PTPRG: variants seen among roughly 807,000 people sequenced by gnomAD.
The protein encoded by PTPRG is protein tyrosine phosphatase receptor type G.
A neutral mutation model predicts 165.3 loss-of-function variants in PTPRG; 102 were observed. The ratio of observed to expected loss-of-function variants is 0.62; its 90% CI spans 0.53 to 0.73. The LOEUF (loss-of-function observed/expected upper bound fraction) is 0.73, where lower values mean the gene tolerates loss of function less well. Ranked by LOEUF, PTPRG falls within the 30% of genes least tolerant of loss-of-function variation. The pLI is 0.00. For missense variants in PTPRG, 1,866 were observed against 1,861.4 expected (o/e 1.00, Z -0.05); for synonymous variants, 675 against 669.5 (o/e 1.01, Z -0.13).
chr3:61,952,168 C>T (rs1267601947), intron 2 of PTPRG, among the ~76,000 whole-genome samples: 2 of 149,804 alleles, frequency 1.3e-5, no homozygotes, highest in Non-Finnish European at 3.0e-5. Flanking sequence ...CAGTCTTCCT[C>T]AGACCTCATA....
intron 28 of PTPRG, among the ~76,000 whole-genome samples, chr3:62,290,253 G>T (rs1702833011): frequency 6.6e-6 from 1 of 152,064 alleles, no homozygotes; most frequent in African/African-American, 2.4e-5. Context: ...TTCATGAAGA[G>T]AAAAACTCAA....
In PTPRG at chr3:62,297,464, T is replaced by A. The variant is rs1041941612; in HGVS notation, c.*4157T>A. 9 of 151,890 alleles carry A rather than the reference T, an allele frequency of 5.9e-5. No individual in the cohort carries two copies. The highest frequency in any genetic ancestry group is 1.3e-4 in the Admixed American group (2 of 15,248). 9.4% of individuals were successfully genotyped at this position (151,890 alleles called of 1,614,324 possible). A position where few individuals can be genotyped will look rare whatever the true frequency, so the allele number is the denominator to read the frequency against. On this transcript the variant is annotated 3_prime_UTR_variant, in exon 30 of 30. Coordinates refer to ENST00000474889, the MANE Select transcript of PTPRG (RefSeq NM_002841.4). ...GAAAAAGTGTGCTTTTTTTTTTTTT[T>A]TAAATTTGTTCAGGGGGAGGGGTTT...
intron 1 of PTPRG, among the ~76,000 whole-genome samples, chr3:61,576,918 G>T (rs1453832748): frequency 6.6e-6 from 1 of 152,128 alleles, no homozygotes; most frequent in Non-Finnish European, 1.5e-5. Context: ...AAAGCCCAGG[G>T]GTTTTGCATC....
intron 29 of PTPRG, 52 bp from the exon 30 acceptor site, chr3:62,293,109 T>G: frequency 2.8e-5 from 40 of 1,419,440 alleles, no homozygotes; most frequent in Non-Finnish European, 3.5e-5. Flanking sequence ...CCACCTTATG[T>G]GAAATCACTA....
chr3:62,024,695 CATT>C (rs2107768133), intron 4 of PTPRG, among the ~76,000 whole-genome samples: 1 of 152,282 alleles, frequency 6.6e-6, no homozygotes, highest in South Asian at 2.1e-4. Context: ...AGAAAGTAAA[CATT>C]ATTGGATGCA....
chr3:61,701,053 G>A (rs1008011237), intron 1 of PTPRG, among the ~76,000 whole-genome samples: 1 of 152,148 alleles, frequency 6.6e-6, no homozygotes, highest in African/African-American at 2.4e-5. Flanking sequence ...TGCAGTGGGA[G>A]CTTTAATAGT....
intron 2 of PTPRG, among the ~76,000 whole-genome samples, chr3:61,839,109 T>C (rs1180409087): frequency 6.6e-6 from 1 of 152,132 alleles, no homozygotes; most frequent in African/African-American, 2.4e-5. Context: ...AAGGCATATA[T>C]CCTTTAAGAT....
At chr3:61,617,132 AAC>A (rs1430520657) in intron 1 of PTPRG, among the ~76,000 whole-genome samples, 1 of 152,200 alleles carries the variant, frequency 6.6e-6, no homozygotes, top group Non-Finnish European at 1.5e-5. Flanking sequence ...TACCAACTGA[AAC>A]AAGTCACATG....
At chr3:61,848,728 A>G (rs937992258) in intron 2 of PTPRG, among the ~76,000 whole-genome samples, 1 of 152,152 alleles carries the variant, frequency 6.6e-6, no homozygotes, top group Admixed American at 6.5e-5. Context: ...CTTTATGCTC[A>G]ATCTAATGCT....
intron 5 of PTPRG, among the ~76,000 whole-genome samples, chr3:62,104,630 T>C (rs986433538): frequency 1.3e-5 from 2 of 152,204 alleles, no homozygotes; most frequent in Non-Finnish European, 2.9e-5. Flanking sequence ...AGTATTTGTG[T>C]TTACGCCAGT....
At chr3:61,647,591 C>T (rs1352296002) in intron 1 of PTPRG, among the ~76,000 whole-genome samples, 3 of 152,006 alleles carry the variant, frequency 2.0e-5, no homozygotes, top group East Asian at 3.9e-4. Context: ...GAGATCGAGA[C>T]CATCCTGGCT....
chr3:62,245,850 C>T lies in PTPRG; in HGVS notation c.2467+1952C>T, dbSNP rs192598039. Among the ~76,000 whole-genome samples the T allele has an allele frequency of 6.4e-4, 98 of 152,168 alleles. No individual in the cohort carries two copies. Among genetic ancestry groups the T allele is most frequent in the South Asian group, 4.2e-3 (20 of 4,816 alleles). On this transcript the variant is annotated intron_variant, in intron 15 of 29. Coordinates refer to ENST00000474889, the MANE Select transcript of PTPRG (RefSeq NM_002841.4). The surrounding 1 kb of genome is among the most constrained non-coding windows in gnomAD (Gnocchi z 4.2). Reference sequence around the variant, plus strand: ...TGTGTCCCTGACACCGAACTACATCCACTAGGTGTGCCCTACCTTGAATCA... The same window carrying T: ...TGTGTCCCTGACACCGAACTACATCTACTAGGTGTGCCCTACCTTGAATCA...
At chr3:61,568,465 A>G (rs989652045) in intron 1 of PTPRG, among the ~76,000 whole-genome samples, 1 of 152,202 alleles carries the variant, frequency 6.6e-6, no homozygotes, top group Non-Finnish European at 1.5e-5. Context: ...TATTGGGACA[A>G]CTATAATTGG....
intron 2 of PTPRG, among the ~76,000 whole-genome samples, chr3:61,887,493 A>G (rs770922949): frequency 6.6e-6 from 1 of 152,172 alleles, no homozygotes; most frequent in Non-Finnish European, 1.5e-5. Context: ...AGGCTAGGAA[A>G]ACAAAACAAA....
At chr3:62,030,232 G>C (rs180897302) in intron 4 of PTPRG, among the ~76,000 whole-genome samples, 1 of 148,524 alleles carries the variant, frequency 6.7e-6, no homozygotes, top group Admixed American at 6.7e-5. Flanking sequence ...CAGTTCCTGC[G>C]TTTTTTGAAC....
intron 2 of PTPRG, among the ~76,000 whole-genome samples, chr3:61,887,642 G>C (rs1051943248): frequency 1.3e-5 from 2 of 151,800 alleles, no homozygotes; most frequent in African/African-American, 4.8e-5. Context: ...ACATTACGTG[G>C]TTTGACTACT....
chr3:61,715,212 A>G (rs1407830702), intron 1 of PTPRG, among the ~76,000 whole-genome samples: 1 of 116,414 alleles, frequency 8.6e-6, no homozygotes, highest in Non-Finnish European at 1.9e-5. Flanking sequence ...TAAGGAGCTT[A>G]TTTTTTTGTT....
intron 1 of PTPRG, among the ~76,000 whole-genome samples, chr3:61,694,659 A>G (rs981639265): frequency 6.6e-6 from 1 of 152,232 alleles, no homozygotes; most frequent in Non-Finnish European, 1.5e-5. Context: ...AACATCCTAG[A>G]TATCCATAAT....
rs189992849 is a variant in PTPRG at position 62,215,115 on chromosome 3, T to C, written c.2156-3736T>C. Among the ~76,000 whole-genome samples the C allele has an allele frequency of 2.9e-3, 438 of 152,110 alleles. 2 individuals are homozygous for C. Among genetic ancestry groups the C allele is most frequent in the African/African-American group, 0.01 (422 of 41,502 alleles). ...GGGAACAGCAGGAGATGATGCTGGG[T>C]TGGGGATGGAAGGCTCTGCTCCTGA... On this transcript the variant is annotated intron_variant, in intron 12 of 29. Coordinates refer to ENST00000474889, the MANE Select transcript of PTPRG (RefSeq NM_002841.4).
Sources: gnomAD v4.1 joint callset for allele counts (sites outside exome capture counted in the v4.1 genomes callset) on GRCh38, gnomAD v4.1.1 for gene constraint, Gnocchi (gnomAD v3.1) non-coding constraint, MANE v1.5 for transcripts, NCBI Gene and HGNC (gene_info 2026-07-23, HGNC 2026-07-21) for gene names.